The following SNX9 variants were observed in gnomAD, a reference collection of about 807,000 sequenced individuals.
SNX9 encodes the protein sorting nexin 9.
SNX9 carries 44 observed loss-of-function variants against 89.4 expected under a neutral mutation model. The observed-to-expected ratio is 0.49, with a 90% CI of 0.39 to 0.63. The LOEUF is 0.63. SNX9 is among the 30% of genes least tolerant of loss of function. SNX9 has a pLI of 0.00. For missense variants in SNX9, 578 were observed against 736.1 expected, an observed-to-expected ratio of 0.79 and a Z score of 2.49; for synonymous variants, 236 against 247.8, an observed-to-expected ratio of 0.95 and a Z score of 0.45.
intron 9 of SNX9, among the ~76,000 whole-genome samples, chr6:157,916,318 G>A (rs6908794): frequency 0.44 from 66,581 of 152,040 alleles, 14,980 homozygotes; most frequent in Admixed American, 0.56. Context: ...ACAGGCGTGA[G>A]CCACCGTGCC....
At chr6:157,895,641 C>A (rs574243197) in intron 4 of SNX9, among the ~76,000 whole-genome samples, 16 of 151,810 alleles carry the variant, frequency 1.1e-4, no homozygotes, top group African/African-American at 3.9e-4. Context: ...AAAAAAGTAC[C>A]GAGCAAAAAT....
intron 7 of SNX9, among the ~76,000 whole-genome samples, chr6:157,907,474 C>T (rs142623267): frequency 0.012 from 1,831 of 152,214 alleles, 39 homozygotes; most frequent in African/African-American, 0.042. Context: ...ATAGTAGAGA[C>T]GGGGTTTCAC....
At chr6:157,924,359 G>A (rs1783646136) in intron 10 of SNX9, 1 of 152,170 alleles carries the variant, frequency 6.6e-6, no homozygotes, top group South Asian at 2.1e-4. Context: ...GGCCACATGT[G>A]CTGAAGGTGG....
intron 3 of SNX9, among the ~76,000 whole-genome samples, chr6:157,873,782 A>G (rs550452896): frequency 6.6e-6 from 1 of 151,976 alleles, no homozygotes; most frequent in African/African-American, 2.4e-5. Context: ...TCCCATTCCC[A>G]TAGACAGAGG....
rs1268441943 is a variant in SNX9 at position 157,944,294 on chromosome 6, A to G, written c.*1456A>G. ...GTAGATGAAATCAAATGAATATGAG[A>G]ACATCTTGTTCTTCAATATCACGGG... On this transcript the variant is annotated 3_prime_UTR_variant, in exon 18 of 18. Coordinates refer to ENST00000392185, the MANE Select transcript of SNX9 (RefSeq NM_016224.5). 3 of 152,652 alleles carry G rather than the reference A, an allele frequency of 2.0e-5. No homozygotes were observed. Among genetic ancestry groups the G allele is most frequent in the Non-Finnish European group, 4.4e-5 (3 of 68,038 alleles). The allele number at this position is 152,652 out of a possible 1,614,324, so 9.5% of individuals were successfully genotyped here.
At chr6:157,834,085 C>A (rs1215179158) in intron 1 of SNX9, among the ~76,000 whole-genome samples, 2 of 145,960 alleles carry the variant, frequency 1.4e-5, no homozygotes, top group Admixed American at 1.4e-4. Flanking sequence ...CTGGATCCTG[C>A]CATGGGGTGA....
At chr6:157,825,354 AT>A (rs1781323584) in intron 1 of SNX9, among the ~76,000 whole-genome samples, 1 of 152,212 alleles carries the variant, frequency 6.6e-6, no homozygotes, top group Non-Finnish European at 1.5e-5. Context: ...CTACTGAGGC[AT>A]GTTATCTGTA....
At chr6:157,847,713 A>C (rs929574179) in intron 1 of SNX9, among the ~76,000 whole-genome samples, 2 of 152,098 alleles carry the variant, frequency 1.3e-5, no homozygotes, top group Admixed American at 1.3e-4. Context: ...CACGTCGTCT[A>C]TTCTGGTTTT....
intron 6 of SNX9, among the ~76,000 whole-genome samples, chr6:157,904,204 G>A (rs1783163420): frequency 6.6e-6 from 1 of 152,128 alleles, no homozygotes; most frequent in African/African-American, 2.4e-5. Context: ...GGGAGGCCGA[G>A]GCAGGCAGAT....
intron 1 of SNX9, among the ~76,000 whole-genome samples, chr6:157,844,584 C>CTTTTTT (rs1562592153): frequency 2.2e-5 from 3 of 138,556 alleles, no homozygotes; most frequent in African/African-American, 2.9e-5. Context: ...GTGGCTAATC[C>CTTTTTT]TTGTTTTTTT....
Position 157,943,050 on chromosome 6 carries a change from C to A in SNX9, c.*212C>A. 1 of 440,812 alleles carries A rather than the reference C, an allele frequency of 2.3e-6. No individual in the cohort carries two copies. The highest frequency in any genetic ancestry group is 3.9e-6 in the Non-Finnish European group (1 of 253,416). The allele number at this position is 440,812 out of a possible 1,614,324, so 27.3% of individuals were successfully genotyped here. ...TTCATTTCCGCATCCATTATTTAAA[C>A]CAGTGGAAATTGTCTCTATTTTTGG... is the stretch of plus-strand genomic sequence containing the variant. On this transcript the variant is annotated 3_prime_UTR_variant, in exon 18 of 18. Transcript: ENST00000392185.
At chr6:157,863,380 T>C (rs564839728) in intron 1 of SNX9, among the ~76,000 whole-genome samples, 1 of 152,354 alleles carries the variant, frequency 6.6e-6, no homozygotes, top group Admixed American at 6.5e-5. Flanking sequence ...TAATGTTTAT[T>C]TTACTGATAA....
intron 1 of SNX9, among the ~76,000 whole-genome samples, chr6:157,859,894 GATTTTTACATA>G (rs1782084538): frequency 6.7e-6 from 1 of 148,268 alleles, no homozygotes; most frequent in South Asian, 2.1e-4. Flanking sequence ...TAAGACTAGT[GATTTTTACATA>G]ATTTTGTTCC....
At position 157,823,569 on chromosome 6, in the gene SNX9, C is replaced by G; in HGVS notation, c.12+123C>G. The G allele has an allele frequency of 4.8e-6, 4 of 831,902 alleles. No homozygotes were observed. Among genetic ancestry groups the G allele is most frequent in the Non-Finnish European group, 6.2e-6 (4 of 650,294 alleles). The allele number at this position is 831,902 out of a possible 1,614,324, so 51.5% of individuals were successfully genotyped here. A position where few individuals can be genotyped will look rare whatever the true frequency, so the allele number is the denominator to read the frequency against. ...TGGTCGAGGGGCCACTCCGCTTCCT[C>G]GGTGGAGTCCCCGGGCGGGTCCGCG... On this transcript the variant is annotated intron_variant, in intron 1 of 17. Coordinates refer to ENST00000392185, the MANE Select transcript of SNX9 (RefSeq NM_016224.5). This position sits in a 1 kb window ranked among gnomAD's most constrained non-coding sequence, Gnocchi z 4.6.
chr6:157,902,186 T>C (rs966713612), intron 6 of SNX9, 141 bp downstream of exon 6: 5 of 683,694 alleles, frequency 7.3e-6, no homozygotes, highest in Middle Eastern at 4.5e-4. Context: ...GTTATTTTTA[T>C]TTGGATCTTA....
At chr6:157,920,879 A>C (rs1186682265) in intron 9 of SNX9, among the ~76,000 whole-genome samples, 19 of 152,246 alleles carry the variant, frequency 1.2e-4, no homozygotes, top group Non-Finnish European at 2.9e-5. Context: ...AAACTGTTTT[A>C]GTAGAGTCAC....
intron 1 of SNX9, among the ~76,000 whole-genome samples, chr6:157,859,705 GT>G (rs1412182699): frequency 6.6e-6 from 1 of 152,132 alleles, no homozygotes; most frequent in African/African-American, 2.4e-5. Flanking sequence ...GAGATTGAGC[GT>G]TTTGTCATGC....
intron 4 of SNX9, among the ~76,000 whole-genome samples, chr6:157,890,726 C>T (rs1258826057): frequency 2.0e-5 from 3 of 152,228 alleles, no homozygotes; most frequent in African/African-American, 4.8e-5. Context: ...GGACACAGCC[C>T]TTCTCTGTGT....
In SNX9 at chr6:157,823,507, T is replaced by A; in HGVS notation, c.12+61T>A. 8.7e-7 allele frequency: 1 copy of A among 1,146,156 alleles called. No homozygotes were observed. 71.0% of individuals were successfully genotyped at this position (1,146,156 alleles called of 1,614,324 possible). On this transcript the variant is annotated intron_variant, in intron 1 of 17. Transcript: ENST00000392185. This position sits in a 1 kb window ranked among gnomAD's most constrained non-coding sequence, Gnocchi z 4.6. ...CAGGCCCGGGGCGGCGCGGAGAGGG[T>A]CGGGGCCGGGGCCGCGGGGAGGGTC...
Sources: gnomAD v4.1 joint callset for allele counts (sites outside exome capture counted in the v4.1 genomes callset) on GRCh38, gnomAD v4.1.1 for gene constraint, Gnocchi (gnomAD v3.1) non-coding constraint, MANE v1.5 for transcripts, NCBI Gene and HGNC (gene_info 2026-07-23, HGNC 2026-07-21) for gene names.